Variants in UNC13B observed in about 807,000 individuals in gnomAD.
UNC13B encodes the protein protein unc-13 homolog B.
In UNC13B, 144 loss-of-function variants were observed where a neutral mutation model predicts 211.0. That is an observed-to-expected ratio of 0.68 (90% confidence interval 0.60 to 0.78). UNC13B has a LOEUF of 0.78. Ranked by LOEUF, UNC13B falls within the 30% of genes least tolerant of loss-of-function variation. The pLI, the probability that UNC13B is intolerant of heterozygous loss-of-function variation, is 0.00. For synonymous variants in UNC13B, 709 were observed against 725.8 expected (o/e 0.98, Z 0.37); for missense variants, 1,777 against 2,002.0 (o/e 0.89, Z 2.14).
At chr9:35,260,055 A>AAAAC in intron 7 of UNC13B, among the ~76,000 whole-genome samples, 1 of 149,512 alleles carries the variant, frequency 6.7e-6, no homozygotes. Flanking sequence ...AAAAAAAAAA[A>AAAAC]AAAAAAAAAC....
chr9:35,400,442 A>AG lies in UNC13B; in HGVS notation c.12484+1dup, dbSNP rs1455574823. ...CCTTTGTGCGCTCGCAGACCACCCA[A>AG]GGTAAGGCCCTGAGGGCTTTGGGTA... On this transcript the variant is annotated frameshift_variant and splice_region_variant, in exon 37 of 40. Coordinates refer to ENST00000635942, the MANE Select transcript of UNC13B (RefSeq NM_001371189.2). LOFTEE classifies it high-confidence loss of function. 1 of 1,612,924 alleles carries AG rather than the reference A, an allele frequency of 6.2e-7. No individual in the cohort carries two copies. Among genetic ancestry groups the AG allele is most frequent in the Admixed American group, 1.7e-5 (1 of 59,956 alleles).
chr9:35,236,368 G>A (rs1825510013), intron 3 of UNC13B, 101 bp from the exon 4 acceptor site: 3 of 969,378 alleles, frequency 3.1e-6, no homozygotes, highest in Non-Finnish European at 4.7e-6. Flanking sequence ...CTGAAGACAG[G>A]ATCCTGGTGA....
intron 1 of UNC13B, among the ~76,000 whole-genome samples, chr9:35,174,078 A>G (rs1276982377): frequency 6.6e-6 from 1 of 152,198 alleles, no homozygotes; most frequent in Non-Finnish European, 1.5e-5. Context: ...AATATTCTTC[A>G]TCCAGCTTTA....
intron 6 of UNC13B, among the ~76,000 whole-genome samples, chr9:35,245,051 T>C (rs1826008647): frequency 6.6e-6 from 1 of 152,078 alleles, no homozygotes; most frequent in Non-Finnish European, 1.5e-5. Flanking sequence ...GCATTTGTGC[T>C]ATCTTTGCAT....
At chr9:35,278,010 A>G (rs1453725974) in intron 7 of UNC13B, among the ~76,000 whole-genome samples, 1 of 152,194 alleles carries the variant, frequency 6.6e-6, no homozygotes, top group Non-Finnish European at 1.5e-5. Flanking sequence ...TTTTGAAAGA[A>G]CTAATCGAGA....
At chr9:35,207,419 C>T (rs957630697) in intron 1 of UNC13B, among the ~76,000 whole-genome samples, 10 of 151,762 alleles carry the variant, frequency 6.6e-5, no homozygotes, top group East Asian at 1.9e-4. Flanking sequence ...ACCACCACCA[C>T]GCTTGGCTAA....
chr9:35,200,878 T>G (rs1046263018), intron 1 of UNC13B, among the ~76,000 whole-genome samples: 21 of 152,338 alleles, frequency 1.4e-4, no homozygotes, highest in African/African-American at 5.1e-4. Context: ...CTATGTTGAA[T>G]AGGAGTGGTG....
Position 35,310,558 on chromosome 9 carries a change from G to A in UNC13B, c.9100G>A (p.Asp3034Asn). 1 of 1,614,126 alleles carries A rather than the reference G, an allele frequency of 6.2e-7. No homozygotes were observed. The highest frequency in any genetic ancestry group is 8.5e-7 in the Non-Finnish European group (1 of 1,180,004). ...SELDQYHEQD[D>N]DHRETDSIHS... ...ACTAGACCAGTATCACGAACAAGAT[G>A]ACGACCATCGGGAGACGGACTCGAT... The change falls in exon 10 of 40, where the codon GAC (aspartate) becomes AAC (asparagine). Residue 3034 changes from aspartate (D) to asparagine (N), a missense_variant. Coordinates refer to ENST00000635942, the MANE Select transcript of UNC13B (RefSeq NM_001371189.2).
intron 12 of UNC13B, among the ~76,000 whole-genome samples, chr9:35,368,407 A>G (rs1430381784): frequency 6.6e-6 from 1 of 152,186 alleles, no homozygotes; most frequent in Non-Finnish European, 1.5e-5. Flanking sequence ...TTTTATGGCC[A>G]CATAGTATTC....
chr9:35,351,340 G>A (rs1832706986), intron 11 of UNC13B: 1 of 1,224,282 alleles, frequency 8.2e-7, no homozygotes, highest in Non-Finnish European at 1.0e-6. Flanking sequence ...GCGAGGTTTG[G>A]AGGCCACACA....
chr9:35,253,786 A>C (rs777921239), intron 6 of UNC13B, among the ~76,000 whole-genome samples: 1 of 152,128 alleles, frequency 6.6e-6, no homozygotes, highest in Non-Finnish European at 1.5e-5. Flanking sequence ...CTGTTTCTCT[A>C]TGCTTGTATT....
chr9:35,402,623 G>A (rs897163213), intron 37 of UNC13B, among the ~76,000 whole-genome samples: 5 of 152,068 alleles, frequency 3.3e-5, no homozygotes, highest in African/African-American at 1.2e-4. Flanking sequence ...GCTAAGGGGA[G>A]CCTGTAGATT....
chr9:35,312,962 G>C (rs186008997), intron 10 of UNC13B, among the ~76,000 whole-genome samples: 29 of 152,258 alleles, frequency 1.9e-4, no homozygotes, highest in Admixed American at 7.2e-4. Context: ...AAAGGAATGG[G>C]TAAGCCTTCT....
At chr9:35,399,559 G>A (rs1251172610) in intron 35 of UNC13B, 90 bp from the exon 36 acceptor site, 1 of 1,599,886 alleles carries the variant, frequency 6.3e-7, no homozygotes, top group African/African-American at 1.3e-5. Flanking sequence ...GGAAAAGGAG[G>A]AGATGAATAT....
rs774647705 is a variant in UNC13B at position 35,403,635 on chromosome 9, G to C, written c.12737+36G>C. On this transcript the variant is annotated intron_variant, in intron 39 of 39. Coordinates refer to ENST00000635942, the MANE Select transcript of UNC13B (RefSeq NM_001371189.2). ...GGGGGGACATACAGGACTCTGGGAT[G>C]GGGGTAAGACTTGAGGGGTGGGGGG... 57 of 1,591,860 alleles carry C rather than the reference G, an allele frequency of 3.6e-5. 1 individual carries two copies. The highest frequency in any genetic ancestry group is 2.7e-4 in the South Asian group (24 of 87,296).
chr9:35,296,964 T>C (rs1456486602), intron 8 of UNC13B, among the ~76,000 whole-genome samples: 1 of 152,222 alleles, frequency 6.6e-6, no homozygotes, highest in Non-Finnish European at 1.5e-5. Context: ...TGTATGTATA[T>C]TTGTTCCTTT....
At chr9:35,312,030 C>T (rs75895814) in intron 10 of UNC13B, among the ~76,000 whole-genome samples, 4,266 of 152,294 alleles carry the variant, frequency 0.028, 94 homozygotes, top group Non-Finnish European at 0.042. Context: ...AATAGCATCA[C>T]TGGCCTCTAC....
intron 18 of UNC13B, 32 bp downstream of exon 18, chr9:35,380,671 G>T: frequency 6.2e-7 from 1 of 1,613,698 alleles, no homozygotes; most frequent in East Asian, 2.2e-5. Context: ...AAGTTGCTTG[G>T]AAGGGAAAGC....
chr9:35,369,854 A>G (rs890295893), intron 12 of UNC13B, among the ~76,000 whole-genome samples: 3 of 152,044 alleles, frequency 2.0e-5, no homozygotes, highest in Admixed American at 2.0e-4. Flanking sequence ...TCTATGTGCC[A>G]TTGTCTGGTA....
Sources: allele counts gnomAD v4.1 joint callset (sites outside exome capture counted in the v4.1 genomes callset), GRCh38; gene constraint gnomAD v4.1.1; transcripts MANE v1.5; gene names NCBI Gene and HGNC (gene_info 2026-07-23, HGNC 2026-07-21).